The following GABRA2 variants were observed in gnomAD, a reference collection of about 807,000 sequenced individuals.
GABRA2 encodes gamma-aminobutyric acid type A receptor subunit alpha2.
GABRA2 carries 16 observed loss-of-function variants against 48.7 expected under a neutral mutation model. That is an observed-to-expected ratio of 0.33 (90% CI 0.22 to 0.50). GABRA2 has a LOEUF of 0.50. Among genes scored for constraint, GABRA2 ranks in the 20% least tolerant of loss-of-function variants. GABRA2 has a pLI of 0.98. For missense variants in GABRA2, 275 were observed against 535.6 expected, an observed-to-expected ratio of 0.51 and a Z score of 4.80; for synonymous variants, 185 against 184.5, an observed-to-expected ratio of 1.00 and a Z score of -0.02.
intron 9 of GABRA2, 193 bp downstream of exon 9, chr4:46,261,733 G>A: frequency 6.4e-6 from 4 of 620,370 alleles, no homozygotes. Context: ...CTACGGAGTG[G>A]TTTTAATGGA....
intron 3 of GABRA2, among the ~76,000 whole-genome samples, chr4:46,360,755 A>G (rs529751283): frequency 3.9e-5 from 6 of 152,202 alleles, no homozygotes; most frequent in Non-Finnish European, 8.8e-5. Flanking sequence ...AACTACCTAG[A>G]GACTTGTTGA....
Position 46,310,219 on chromosome 4 carries a change from C to T in GABRA2, c.513G>A (p.Glu171=). The part of the protein sequence containing the change: ...TVQAECPMHL[E]DFPMDAHSCP... ...ATGAATGAGCATCCATTGGGAAATC[C>T]TCCAAGTGCATTGGGCATTCAGCTT... Residue 171 remains glutamate, a synonymous_variant, in exon 6 of 10, where the codon GAG becomes GAA. Transcript: ENST00000381620. 1.3e-5 allele frequency: 21 copies of T among 1,613,728 alleles called. No homozygotes were observed. Among genetic ancestry groups the T allele is most frequent in the Non-Finnish European group, 1.8e-5 (21 of 1,179,740 alleles).
Position 46,348,691 on chromosome 4 carries a change from C to T in GABRA2, c.188-16009G>A, listed in dbSNP as rs1227522938. Among the ~76,000 whole-genome samples, 358 of 144,952 alleles carry T rather than the reference C, an allele frequency of 2.5e-3. 4 individuals carry two copies. The highest frequency in any genetic ancestry group is 8.8e-3 in the African/African-American group (344 of 39,002). On this transcript the variant is annotated intron_variant, in intron 3 of 9. Coordinates refer to ENST00000381620, the MANE Select transcript of GABRA2 (RefSeq NM_000807.4). ...ATCACAAGGACAAAAAACCAAACAC[C>T]GCATGTTCTCACTCATAGGTGGGAA...
intron 3 of GABRA2, chr4:46,368,763 T>C (rs1391679237): frequency 2.4e-6 from 1 of 422,952 alleles, no homozygotes; most frequent in Non-Finnish European, 4.2e-6. Context: ...AAAATGGAGA[T>C]CTTCAACAAC....
Position 46,264,542 on chromosome 4 carries a change from C to A in GABRA2, c.857-2414G>T, listed in dbSNP as rs547383934. Among the ~76,000 whole-genome samples, 7 of 152,046 alleles carry A rather than the reference C, an allele frequency of 4.6e-5. No homozygotes were observed. The South Asian group carries it at 1.5e-3, about 32-fold the overall frequency. ...ATTTCTGGGATAAATCCCACTTTGT[C>A]ATGCTATGTAATCCTTTTAAAATGT... On this transcript the variant is annotated intron_variant, in intron 8 of 9. Coordinates refer to ENST00000381620, the MANE Select transcript of GABRA2 (RefSeq NM_000807.4).
chr4:46,334,285 C>T (rs1731843176), intron 3 of GABRA2, among the ~76,000 whole-genome samples: 1 of 152,010 alleles, frequency 6.6e-6, no homozygotes, highest in Non-Finnish European at 1.5e-5. Flanking sequence ...TCATTTTGGA[C>T]TGGGCATCAC....
At chr4:46,385,340 T>A (rs1179919091) in intron 3 of GABRA2, among the ~76,000 whole-genome samples, 1 of 151,810 alleles carries the variant, frequency 6.6e-6, no homozygotes, top group African/African-American at 2.4e-5. Flanking sequence ...AAGTGATAAA[T>A]GTGATCATTA....
chr4:46,364,211 G>A (rs2109971354), intron 3 of GABRA2: 1 of 152,250 alleles, frequency 6.6e-6, no homozygotes, highest in African/African-American at 2.4e-5. Flanking sequence ...ACTTATATGT[G>A]CTTCGATATT....
chr4:46,336,901 G>T (rs1420330045), intron 3 of GABRA2, among the ~76,000 whole-genome samples: 2 of 151,982 alleles, frequency 1.3e-5, no homozygotes, highest in Admixed American at 6.6e-5. Context: ...GGCCTGAAAA[G>T]ATATCCAAAA....
At chr4:46,328,391 A>G (rs1730764623) in intron 4 of GABRA2, among the ~76,000 whole-genome samples, 1 of 151,016 alleles carries the variant, frequency 6.6e-6, no homozygotes, top group Non-Finnish European at 1.5e-5. Context: ...GTCATAACAA[A>G]TCTACATCAC....
intron 6 of GABRA2, among the ~76,000 whole-genome samples, chr4:46,307,458 C>T (rs1295362631): frequency 2.0e-5 from 3 of 146,500 alleles, no homozygotes; most frequent in East Asian, 2.0e-4. Flanking sequence ...TTTTTTTTAG[C>T]GGAACGACAT....
In GABRA2 at chr4:46,245,626, C is replaced by G. The variant is rs1713578455; in HGVS notation, c.*4682G>C. ...TTTGTGATAAGATCCATTAATAAAACAAATTGTTTAGATATCATAAATTTA... is the reference window on the plus strand; with the variant it reads ...TTTGTGATAAGATCCATTAATAAAAGAAATTGTTTAGATATCATAAATTTA... On this transcript the variant is annotated 3_prime_UTR_variant, in exon 10 of 10. Coordinates refer to ENST00000381620, the MANE Select transcript of GABRA2 (RefSeq NM_000807.4). Among the ~76,000 whole-genome samples, 1 of 151,176 alleles carries G rather than the reference C, an allele frequency of 6.6e-6. No homozygotes were observed.
chr4:46,336,976 T>C (rs1732343070), intron 3 of GABRA2, among the ~76,000 whole-genome samples: 1 of 152,086 alleles, frequency 6.6e-6, no homozygotes, highest in Non-Finnish European at 1.5e-5. Context: ...CTGGGAAATG[T>C]AGTATAGAAT....
intron 3 of GABRA2, among the ~76,000 whole-genome samples, chr4:46,348,171 A>G (rs1734474364): frequency 6.6e-6 from 1 of 152,174 alleles, no homozygotes; most frequent in Non-Finnish European, 1.5e-5. Context: ...GTCACATGAA[A>G]AAATGCTCAT....
chr4:46,345,545 G>A (rs1734009328), intron 3 of GABRA2, among the ~76,000 whole-genome samples: 1 of 151,834 alleles, frequency 6.6e-6, no homozygotes, highest in African/African-American at 2.4e-5. Flanking sequence ...CTCCCCATAA[G>A]TAGAGACAAC....
chr4:46,266,619 C>T (rs186960646), intron 8 of GABRA2, among the ~76,000 whole-genome samples: 4 of 150,616 alleles, frequency 2.7e-5, no homozygotes, highest in Non-Finnish European at 5.9e-5. Flanking sequence ...GATTTCTTAG[C>T]GTTTACTTTA....
At chr4:46,268,324 T>C (rs1334503468) in intron 8 of GABRA2, among the ~76,000 whole-genome samples, 2 of 151,766 alleles carry the variant, frequency 1.3e-5, no homozygotes, top group East Asian at 3.9e-4. Context: ...ACAAAATATA[T>C]AAAAACTCAA....
chr4:46,383,538 A>G (rs1401035893), intron 3 of GABRA2, among the ~76,000 whole-genome samples: 1 of 152,216 alleles, frequency 6.6e-6, no homozygotes, highest in Non-Finnish European at 1.5e-5. Context: ...TTTATTATAC[A>G]ATATCTTGAC....
intron 8 of GABRA2, among the ~76,000 whole-genome samples, chr4:46,273,912 C>A (rs1028692377): frequency 1.3e-5 from 2 of 152,028 alleles, no homozygotes; most frequent in Non-Finnish European, 2.9e-5. Context: ...AAGGGCATCT[C>A]CCTAAGATTT....
Sources: allele counts gnomAD v4.1 joint callset (sites outside exome capture counted in the v4.1 genomes callset), GRCh38; gene constraint gnomAD v4.1.1; transcripts MANE v1.5; gene names NCBI Gene and HGNC (gene_info 2026-07-23, HGNC 2026-07-21).